Variants in SUMF1 observed in about 807,000 individuals in gnomAD.
The protein encoded by SUMF1 is sulfatase modifying factor 1.
Under a neutral mutation model 47.6 loss-of-function variants are expected in SUMF1, and 48 were observed. The observed-to-expected ratio is 1.01, with a 90% CI of 0.80 to 1.28. SUMF1 has a LOEUF of 1.28. Among genes scored for constraint, SUMF1 ranks in the 50% most tolerant of loss-of-function variants. The pLI is 0.00. For synonymous variants in SUMF1, 230 were observed against 192.1 expected (o/e 1.20, Z -1.63); for missense variants, 571 against 485.4 (o/e 1.18, Z -1.66).
intron 8 of SUMF1, among the ~76,000 whole-genome samples, chr3:4,271,606 A>T (rs1261521806): frequency 6.6e-6 from 1 of 152,044 alleles, no homozygotes; most frequent in African/African-American, 2.4e-5. Context: ...GGCTCAAGTG[A>T]TTCTCCCGCC....
chr3:4,230,627 T>C (rs753308200), intron 8 of SUMF1, among the ~76,000 whole-genome samples: 8 of 152,084 alleles, frequency 5.3e-5, no homozygotes, highest in Non-Finnish European at 1.0e-4. Context: ...AGAGGATTCA[T>C]AACCTAGGTA....
intron 7 of SUMF1, among the ~76,000 whole-genome samples, chr3:4,401,820 T>A (rs1701221091): frequency 6.6e-6 from 1 of 152,198 alleles, no homozygotes; most frequent in African/African-American, 2.4e-5. Context: ...GCTGAACTGC[T>A]GCCATCCCAA....
chr3:4,214,041 A>G (rs1219653288), intron 8 of SUMF1, among the ~76,000 whole-genome samples: 1 of 152,186 alleles, frequency 6.6e-6, no homozygotes, highest in Non-Finnish European at 1.5e-5. Flanking sequence ...ACTTGAACTC[A>G]GCTCTGGACC....
intron 8 of SUMF1, among the ~76,000 whole-genome samples, chr3:4,111,068 GCA>G (rs1491481402): frequency 5.4e-5 from 8 of 148,906 alleles, no homozygotes; most frequent in African/African-American, 2.0e-4. Flanking sequence ...ATCAAAGTCA[GCA>G]TTTTTTTTAA....
chr3:4,262,754 C>T (rs985152951), intron 8 of SUMF1, among the ~76,000 whole-genome samples: 4 of 152,188 alleles, frequency 2.6e-5, no homozygotes, highest in African/African-American at 9.6e-5. Context: ...AACCAATCAC[C>T]ATAGCCAGGG....
At chr3:4,079,704 G>A (rs188197297) in intron 8 of SUMF1, among the ~76,000 whole-genome samples, 7 of 143,800 alleles carry the variant, frequency 4.9e-5, no homozygotes, top group African/African-American at 1.8e-4. Flanking sequence ...TATGCCCTAA[G>A]TACTCAACAT....
At chr3:4,064,693 A>G (rs968339061) in intron 9 of SUMF1, among the ~76,000 whole-genome samples, 1 of 152,090 alleles carries the variant, frequency 6.6e-6, no homozygotes, top group Admixed American at 6.6e-5. Flanking sequence ...GGAGAATGGC[A>G]TGAACCCGGG....
intron 8 of SUMF1, among the ~76,000 whole-genome samples, chr3:4,074,912 C>G (rs1087830): frequency 0.34 from 51,890 of 151,740 alleles, 9,260 homozygotes; most frequent in Admixed American, 0.46. Flanking sequence ...TTCCACCAGA[C>G]GTACAAAAAG....
chr3:4,228,055 T>C (rs1270790), intron 8 of SUMF1, among the ~76,000 whole-genome samples: 28,101 of 151,898 alleles, frequency 0.18, 3,126 homozygotes, highest in South Asian at 0.38. Context: ...AAGAGTTTCC[T>C]GCAGGAACTA....
chr3:4,167,186 C>A (rs1198346122), intron 8 of SUMF1, among the ~76,000 whole-genome samples: 1 of 151,956 alleles, frequency 6.6e-6, no homozygotes, highest in African/African-American at 2.4e-5. Context: ...TGGCACAGAC[C>A]CAAAGAGTGA....
chr3:4,236,356 T>C (rs1036195765), intron 8 of SUMF1, among the ~76,000 whole-genome samples: 5 of 152,212 alleles, frequency 3.3e-5, no homozygotes, highest in Middle Eastern at 3.4e-3. Flanking sequence ...ATAAGCACCT[T>C]ACAACTACCA....
intron 8 of SUMF1, among the ~76,000 whole-genome samples, chr3:4,277,713 A>G (rs1697447621): frequency 1.3e-5 from 2 of 152,280 alleles, no homozygotes; most frequent in African/African-American, 4.8e-5. Flanking sequence ...CTCAATCAGC[A>G]TAATAATCTG....
At chr3:4,253,321 A>G (rs313673) in intron 8 of SUMF1, among the ~76,000 whole-genome samples, 84,422 of 151,912 alleles carry the variant, frequency 0.56, 23,822 homozygotes, top group South Asian at 0.62. Context: ...CGCAGAAGAC[A>G]GGTGATTTCT....
rs200218308 is a variant in SUMF1, at chr3:4,370,295, GT to G, written c.1014+6034del. On this transcript the variant is annotated intron_variant, in intron 8 of 8. Coordinates refer to ENST00000272902, the MANE Select transcript of SUMF1 (RefSeq NM_182760.4). ...TGGCTTCCTCACTAAAACAACAAAG[GT>G]ATTAGCCAGCTTCTAAGCAGGTCTT... Among the ~76,000 whole-genome samples the G allele has an allele frequency of 8.9e-3, 1,355 of 152,224 alleles. 10 individuals carry two copies. Among genetic ancestry groups the G allele is most frequent in the Middle Eastern group, 0.037 (11 of 294 alleles).
chr3:4,134,980 A>G lies in SUMF1; in HGVS notation c.1015-66235T>C, dbSNP rs144386860. The stretch of plus-strand genomic sequence containing the variant: ...GGCTCTGAAATTGTGGCAATAATCA[A>G]TAGCTTACCAACCAATAAAAGTCCA... On this transcript the variant is annotated intron_variant and NMD_transcript_variant, in intron 8 of 12. Transcript: ENST00000448413. Among the ~76,000 whole-genome samples the G allele has an allele frequency of 6.8e-3, 1,030 of 152,262 alleles. 12 individuals are homozygous for G. Among genetic ancestry groups the G allele is most frequent in the African/African-American group, 0.024 (981 of 41,538 alleles).
chr3:4,256,828 T>C (rs1696965248), intron 8 of SUMF1, among the ~76,000 whole-genome samples: 1 of 146,620 alleles, frequency 6.8e-6, no homozygotes, highest in South Asian at 2.2e-4. Context: ...TTTAGACCAA[T>C]ATCCTTGATG....
chr3:4,204,922 A>G (rs925333305), intron 8 of SUMF1, among the ~76,000 whole-genome samples: 1 of 152,068 alleles, frequency 6.6e-6, no homozygotes, highest in Non-Finnish European at 1.5e-5. Context: ...AGCTTCCTCA[A>G]AACAGCTATT....
At chr3:4,043,500 T>C (rs1190087852) in intron 9 of SUMF1, among the ~76,000 whole-genome samples, 1 of 152,106 alleles carries the variant, frequency 6.6e-6, no homozygotes, top group African/African-American at 2.4e-5. Flanking sequence ...CTCCTCACTT[T>C]ACCCAGACTC....
intron 9 of SUMF1, among the ~76,000 whole-genome samples, chr3:4,039,208 A>AAT (rs1694862559): frequency 1.3e-4 from 6 of 46,184 alleles, no homozygotes; most frequent in African/African-American, 4.3e-4. Flanking sequence ...CATCTATGCA[A>AAT]ATTTTTTTTT....
Sources: allele counts gnomAD v4.1 joint callset (sites outside exome capture counted in the v4.1 genomes callset), GRCh38; gene constraint gnomAD v4.1.1; transcripts MANE v1.5; gene names NCBI Gene and HGNC (gene_info 2026-07-23, HGNC 2026-07-21).